BICDL1: variants seen among roughly 807,000 people sequenced by gnomAD.
BICDL1 encodes the protein BICD family-like cargo adapter 1.
In BICDL1, 20 loss-of-function variants were observed where a neutral mutation model predicts 76.8. The ratio of observed to expected loss-of-function variants is 0.26; its 90% CI spans 0.18 to 0.38. The LOEUF (loss-of-function observed/expected upper bound fraction) is 0.38, where lower values mean the gene tolerates loss of function less well. Among genes scored for constraint, BICDL1 ranks in the 10% least tolerant of loss-of-function variants. BICDL1 has a pLI of 1.00. For synonymous variants in BICDL1, 383 were observed against 337.1 expected (o/e 1.14, Z -1.49); for missense variants, 700 against 798.6 (o/e 0.88, Z 1.49).
At chr12:119,993,860 C>T (rs1951580283) in intron 1 of BICDL1, among the ~76,000 whole-genome samples, 1 of 152,210 alleles carries the variant, frequency 6.6e-6, no homozygotes, top group Non-Finnish European at 1.5e-5. Flanking sequence ...AGGTGATCCT[C>T]CCGCCTCAGC....
chr12:120,008,119 C>T (rs1190665437), intron 2 of BICDL1, among the ~76,000 whole-genome samples: 8 of 150,254 alleles, frequency 5.3e-5, no homozygotes, highest in Admixed American at 5.3e-4. Flanking sequence ...CCCATTCCTG[C>T]CTGTGATGGA....
chr12:120,080,862 G>A, intron 7 of BICDL1, 25 bp from the exon 8 acceptor site: 3 of 1,610,414 alleles, frequency 1.9e-6, no homozygotes, highest in Non-Finnish European at 2.5e-6. Flanking sequence ...CAGCAGCAGT[G>A]ATACCATATT....
intron 9 of BICDL1, chr12:120,092,721 C>G: frequency 1.0e-6 from 1 of 985,422 alleles, no homozygotes; most frequent in East Asian, 1.1e-4. Context: ...AGAGACCACC[C>G]GAGCCATCAG....
At chr12:120,066,857 A>G (rs774152369) in intron 4 of BICDL1, among the ~76,000 whole-genome samples, 1 of 152,190 alleles carries the variant, frequency 6.6e-6, no homozygotes, top group Non-Finnish European at 1.5e-5. Flanking sequence ...GAATGATCCT[A>G]AACCATATTT....
rs567548332 is a variant in BICDL1, at chr12:119,990,921, T to C, written c.429+624T>C. On this transcript the variant is annotated intron_variant, in intron 1 of 9. Transcript: ENST00000548673. ...TCAGTATTTATGTGTATTTAAACAG[T>C]ACTTTTCTGTGTTCTGGGTCTCAGG... Among the ~76,000 whole-genome samples the C allele has an allele frequency of 7.2e-5, 11 of 152,366 alleles. No individual in the cohort carries two copies. In the South Asian group the frequency reaches 8.3e-4, roughly 11 times the overall value.
In BICDL1 at chr12:120,093,626, G is replaced by T. The variant is rs1875177117; in HGVS notation, c.*465G>T. On this transcript the variant is annotated 3_prime_UTR_variant, in exon 10 of 10. Transcript: ENST00000548673. ...CCTGTGGGGGCAGCGGGCCAGGCCT[G>T]AGCCTCCATTCCTTCCCCAGCCCCT... 5.8e-6 allele frequency: 1 copy of T among 172,820 alleles called. No individual in the cohort carries two copies. Among genetic ancestry groups the T allele is most frequent in the South Asian group, 1.2e-4 (1 of 8,420 alleles). 10.7% of individuals were successfully genotyped at this position (172,820 alleles called of 1,614,324 possible).
chr12:119,997,260 T>G (rs1162280171), intron 1 of BICDL1, among the ~76,000 whole-genome samples: 1 of 152,204 alleles, frequency 6.6e-6, no homozygotes, highest in African/African-American at 2.4e-5. Flanking sequence ...AAAGATGTTT[T>G]TATTTCCCTC....
intron 2 of BICDL1, among the ~76,000 whole-genome samples, chr12:120,048,898 A>G (rs1952800787): frequency 6.6e-6 from 1 of 151,882 alleles, no homozygotes; most frequent in Admixed American, 6.6e-5. Context: ...TTCTGTAGTT[A>G]CCTACTGTAC....
chr12:120,017,138 C>T (rs567557045), intron 2 of BICDL1, among the ~76,000 whole-genome samples: 1 of 152,248 alleles, frequency 6.6e-6, no homozygotes, highest in Non-Finnish European at 1.5e-5. Context: ...CCTTGTGATC[C>T]GCCTGCCCTG....
intron 2 of BICDL1, among the ~76,000 whole-genome samples, chr12:120,061,203 G>A (rs1253090021): frequency 1.3e-5 from 2 of 152,162 alleles, no homozygotes; most frequent in African/African-American, 4.8e-5. Flanking sequence ...AGGAATGAGT[G>A]GCAAAAAATC....
intron 2 of BICDL1, among the ~76,000 whole-genome samples, chr12:120,049,962 A>G (rs887840075): frequency 6.6e-6 from 1 of 152,284 alleles, no homozygotes; most frequent in East Asian, 1.9e-4. Context: ...TGACATTCCC[A>G]GTATTTTGTG....
At chr12:120,010,136 G>T (rs924997021) in intron 2 of BICDL1, among the ~76,000 whole-genome samples, 1 of 152,246 alleles carries the variant, frequency 6.6e-6, no homozygotes, top group Non-Finnish European at 1.5e-5. Context: ...GCCTGAATGT[G>T]TGGAGACGCC....
rs758726230 is a variant in BICDL1, at chr12:119,998,742, T to G, written c.645+6T>G. 6 of 1,611,324 alleles carry G rather than the reference T, an allele frequency of 3.7e-6. No individual in the cohort carries two copies. Among genetic ancestry groups the G allele is most frequent in the Admixed American group, 1.7e-5 (1 of 59,576 alleles). Reference sequence around the variant, plus strand: ...TATTGGATCAGCTCAGCAGGGTGAGTCACAAATTAAGAATTTAAGATGTAA... The same window carrying G: ...TATTGGATCAGCTCAGCAGGGTGAGGCACAAATTAAGAATTTAAGATGTAA... On this transcript the variant is annotated splice_donor_region_variant and intron_variant, in intron 2 of 9. Coordinates refer to ENST00000548673, the MANE Select transcript of BICDL1 (RefSeq NM_001367886.1).
At chr12:120,020,440 G>T (rs1459269074) in intron 2 of BICDL1, among the ~76,000 whole-genome samples, 1 of 152,112 alleles carries the variant, frequency 6.6e-6, no homozygotes, top group African/African-American at 2.4e-5. Flanking sequence ...CCCAACAGTT[G>T]TCAGAACTAA....
intron 2 of BICDL1, 75 bp downstream of exon 2, chr12:119,998,811 G>A (rs1951702474): frequency 1.4e-6 from 2 of 1,400,388 alleles, no homozygotes; most frequent in Non-Finnish European, 1.9e-6. Context: ...GCTTATGCCT[G>A]TGACGCCAGC....
intron 7 of BICDL1, among the ~76,000 whole-genome samples, chr12:120,078,958 G>T (rs1873768919): frequency 6.6e-6 from 1 of 152,226 alleles, no homozygotes; most frequent in Non-Finnish European, 1.5e-5. Flanking sequence ...CCAGGCTGCA[G>T]AGTCTGCTGC....
chr12:120,025,043 TTC>T (rs1952262300), intron 2 of BICDL1, among the ~76,000 whole-genome samples: 2 of 142,360 alleles, frequency 1.4e-5, no homozygotes, highest in Admixed American at 6.9e-5. Flanking sequence ...ATATTATACT[TTC>T]TTTCTTTTTT....
intron 1 of BICDL1, chr12:119,992,372 C>G (rs1202468512): frequency 1.3e-5 from 2 of 152,182 alleles, no homozygotes; most frequent in Non-Finnish European, 2.9e-5. Flanking sequence ...ACAATACTTT[C>G]TAACGTTCAG....
chr12:120,003,025 C>T lies in BICDL1; in HGVS notation c.645+4289C>T, dbSNP rs113107212. Reference sequence around the variant, plus strand: ...TACATAAATTAGCTGGGCATGGTATCGTGAGCCTGTAATCTCCAGCTACCG... The same window carrying T: ...TACATAAATTAGCTGGGCATGGTATTGTGAGCCTGTAATCTCCAGCTACCG... On this transcript the variant is annotated intron_variant, in intron 2 of 9. Transcript: ENST00000548673. 9.7e-4 allele frequency among the ~76,000 whole-genome samples: 148 copies of T among 152,204 alleles called. 1 individual carries two copies. The highest frequency in any genetic ancestry group is 3.5e-3 in the African/African-American group (144 of 41,518).
Sources: allele counts gnomAD v4.1 joint callset (sites outside exome capture counted in the v4.1 genomes callset), GRCh38; gene constraint gnomAD v4.1.1; transcripts MANE v1.5; gene names NCBI Gene and HGNC (gene_info 2026-07-23, HGNC 2026-07-21).